The following STK38L variants were observed in gnomAD, a reference collection of about 807,000 sequenced individuals.
STK38L encodes the protein serine/threonine-protein kinase 38-like.
STK38L carries 28 observed loss-of-function variants against 59.7 expected under a neutral mutation model. That is an observed-to-expected ratio of 0.47 (90% CI 0.35 to 0.64). STK38L has a LOEUF of 0.64. Ranked by LOEUF, STK38L falls within the 30% of genes least tolerant of loss-of-function variation. The pLI is 0.01. For missense variants in STK38L, 314 were observed against 555.8 expected (o/e 0.56, Z 4.37); for synonymous variants, 162 against 176.8 (o/e 0.92, Z 0.66).
Position 27,308,897 on chromosome 12 carries a change from T to TATA in STK38L, c.310-216_310-215insTAA, listed in dbSNP as rs1227568354. On this transcript the variant is annotated intron_variant, in intron 4 of 13. Transcript: ENST00000389032. The surrounding 1 kb of genome is among the most constrained non-coding windows in gnomAD (Gnocchi z 4.5). ...ATAAATATATATAAATGTAAATATATAAATATATATAAATATATATTAATA... is the reference window on the plus strand; with the variant it reads ...ATAAATATATATAAATGTAAATATATATAAAATATATATAAATATATATTAATA... Among the ~76,000 whole-genome samples, 3 of 144,762 alleles carry TATA rather than the reference T, an allele frequency of 2.1e-5. No individual in the cohort carries two copies. The highest frequency in any genetic ancestry group is 3.0e-5 in the Non-Finnish European group (2 of 66,402). The allele number at this position is 144,762 out of a possible 152,430, so 95.0% of individuals were successfully genotyped here.
chr12:27,277,710 CA>C (rs1275730185), intron 1 of STK38L, among the ~76,000 whole-genome samples: 5 of 151,918 alleles, frequency 3.3e-5, no homozygotes, highest in Admixed American at 3.3e-4. Flanking sequence ...TCCTCCTGAC[CA>C]ATTTTTCCAG....
chr12:27,269,072 C>G (rs1943362944), intron 1 of STK38L, among the ~76,000 whole-genome samples: 1 of 152,112 alleles, frequency 6.6e-6, no homozygotes, highest in Admixed American at 6.6e-5. Flanking sequence ...TGTAGGTTGC[C>G]TGTTCACTCT....
chr12:27,256,411 A>G (rs1173832966), intron 1 of STK38L, among the ~76,000 whole-genome samples: 1 of 152,142 alleles, frequency 6.6e-6, no homozygotes, highest in African/African-American at 2.4e-5. Flanking sequence ...TCGGTCTCAC[A>G]CACTACTTTC....
Position 27,323,371 on chromosome 12 carries a change from A to G in STK38L, c.*916A>G, listed in dbSNP as rs1005384586. 1 of 152,608 alleles carries G rather than the reference A, an allele frequency of 6.6e-6. No individual in the cohort carries two copies. Among genetic ancestry groups the G allele is most frequent in the African/African-American group, 2.4e-5 (1 of 41,446 alleles). 9.5% of individuals were successfully genotyped at this position (152,608 alleles called of 1,614,324 possible). The stretch of plus-strand genomic sequence containing the variant: ...TATTTTTATTAAACTATTTTTTTAA[A>G]TGTCAAACTTCTATCATGTAAATGG... On this transcript the variant is annotated 3_prime_UTR_variant, in exon 14 of 14. Transcript: ENST00000389032.
intron 1 of STK38L, among the ~76,000 whole-genome samples, chr12:27,262,710 A>T (rs1361175656): frequency 2.8e-4 from 1 of 3,556 alleles, no homozygotes. Context: ...ATCTCTAATT[A>T]AAAAAAAAAA....
chr12:27,324,111 T>C lies in STK38L; in HGVS notation c.*1656T>C, dbSNP rs950945003. On this transcript the variant is annotated 3_prime_UTR_variant, in exon 14 of 14. Coordinates refer to ENST00000389032, the MANE Select transcript of STK38L (RefSeq NM_015000.4). ...AGCTCCACAGTGTTTCATAAGGCCA[T>C]CCTGTTTCCCCCAACTCCCCCATTT... 1.3e-5 allele frequency: 2 copies of C among 152,112 alleles called. No individual in the cohort carries two copies. Among genetic ancestry groups the C allele is most frequent in the East Asian group, 3.8e-4 (2 of 5,200 alleles). 9.4% of individuals were successfully genotyped at this position (152,112 alleles called of 1,614,324 possible).
At chr12:27,271,950 T>G (rs894427288) in intron 1 of STK38L, among the ~76,000 whole-genome samples, 1 of 152,204 alleles carries the variant, frequency 6.6e-6, no homozygotes, top group Non-Finnish European at 1.5e-5. Flanking sequence ...TCCACCTGCC[T>G]TGGCCTCCCA....
intron 1 of STK38L, among the ~76,000 whole-genome samples, chr12:27,278,884 A>G (rs917502730): frequency 6.6e-6 from 1 of 152,186 alleles, no homozygotes; most frequent in South Asian, 2.1e-4. Flanking sequence ...GATGATAGGG[A>G]CCAAATCAAA....
intron 1 of STK38L, among the ~76,000 whole-genome samples, chr12:27,294,801 C>A (rs1943976398): frequency 6.7e-6 from 1 of 149,884 alleles, no homozygotes; most frequent in Non-Finnish European, 1.5e-5. Flanking sequence ...TAACCTTGAA[C>A]AAGGGTTCAA....
chr12:27,256,596 C>T (rs138152481), intron 1 of STK38L, among the ~76,000 whole-genome samples: 1 of 152,248 alleles, frequency 6.6e-6, no homozygotes, highest in African/African-American at 2.4e-5. Context: ...TTTAAATATC[C>T]AAACTACAGT....
intron 1 of STK38L, among the ~76,000 whole-genome samples, chr12:27,285,982 C>T (rs918838960): frequency 2.0e-5 from 3 of 152,216 alleles, no homozygotes; most frequent in Non-Finnish European, 4.4e-5. Flanking sequence ...TTTGAGCCCT[C>T]GTAAATATGC....
intron 2 of STK38L, 67 bp downstream of exon 2, chr12:27,297,921 ACT>A (rs1225070761): frequency 1.3e-6 from 2 of 1,568,818 alleles, no homozygotes; most frequent in East Asian, 4.5e-5. Context: ...TGGAATAGAA[ACT>A]TGTTTACCAT....
chr12:27,273,689 A>G (rs1943471798), intron 1 of STK38L, among the ~76,000 whole-genome samples: 1 of 150,616 alleles, frequency 6.6e-6, no homozygotes. Context: ...TTGGTACTAT[A>G]GCCTCACTGC....
chr12:27,290,108 T>C (rs73083092), intron 1 of STK38L, among the ~76,000 whole-genome samples: 37 of 152,348 alleles, frequency 2.4e-4, no homozygotes, highest in Non-Finnish European at 3.5e-4. Context: ...TATTTTTTAC[T>C]GATTTATTGA....
At chr12:27,312,406 A>C in intron 5 of STK38L, 143 bp from the exon 6 acceptor site, 1 of 854,568 alleles carries the variant, frequency 1.2e-6, no homozygotes, top group Non-Finnish European at 1.8e-6. Flanking sequence ...TTTGATGAGA[A>C]TACGAACATT....
At position 27,325,338 on chromosome 12, in the gene STK38L, A is replaced by G. The variant is rs1944816362; in HGVS notation, c.*2883A>G. 2 of 152,128 alleles carry G rather than the reference A, an allele frequency of 1.3e-5. No homozygotes were observed. The highest frequency in any genetic ancestry group is 2.9e-5 in the Non-Finnish European group (2 of 67,980). The allele number at this position is 152,128 out of a possible 1,614,324, so 9.4% of individuals were successfully genotyped here. The stretch of plus-strand genomic sequence containing the variant: ...TATTTCTATACTTTTTCTGTTTTTT[A>G]AACACCTGCATATTTTTATGTAAAT... On this transcript the variant is annotated 3_prime_UTR_variant, in exon 14 of 14. Coordinates refer to ENST00000389032, the MANE Select transcript of STK38L (RefSeq NM_015000.4).
chr12:27,311,775 A>G (rs1944460049), intron 5 of STK38L, among the ~76,000 whole-genome samples: 1 of 147,924 alleles, frequency 6.8e-6, no homozygotes, highest in Non-Finnish European at 1.5e-5. Context: ...CTATTTCTTT[A>G]AAAAACACCA....
chr12:27,262,531 C>T (rs1047408521), intron 1 of STK38L, among the ~76,000 whole-genome samples: 3 of 151,680 alleles, frequency 2.0e-5, no homozygotes, highest in African/African-American at 7.3e-5. Flanking sequence ...TGAAATGTTT[C>T]TTAATTTTAG....
intron 1 of STK38L, among the ~76,000 whole-genome samples, chr12:27,250,168 T>A (rs544175684): frequency 1.3e-5 from 2 of 152,350 alleles, no homozygotes; most frequent in African/African-American, 4.8e-5. Flanking sequence ...CTGCACACAT[T>A]AATGCCTACT....
Sources: allele counts gnomAD v4.1 joint callset (sites outside exome capture counted in the v4.1 genomes callset), GRCh38; gene constraint gnomAD v4.1.1; non-coding constraint Gnocchi (gnomAD v3.1); transcripts MANE v1.5; gene names NCBI Gene and HGNC (gene_info 2026-07-23, HGNC 2026-07-21).